Variants in COMMD5 observed in about 807,000 individuals in gnomAD.
COMMD5 encodes the protein COMM domain containing 5.
A neutral mutation model predicts 6.9 loss-of-function variants in COMMD5; 10 were observed. The ratio of observed to expected loss-of-function variants is 1.44; its 90% CI spans 0.89 to 2.45. The LOEUF is 2.45. Ranked by LOEUF, COMMD5 falls within the 30% of genes most tolerant of loss-of-function variation. The probability of loss-of-function intolerance (pLI) is 0.00; values close to 1 mark genes in which losing one functional copy is unlikely to be tolerated. For missense variants in COMMD5, 234 were observed against 287.8 expected (o/e 0.81, Z 1.35); for synonymous variants, 127 against 125.3 (o/e 1.01, Z -0.09).
chr8:144,851,673 G>A lies in COMMD5; in HGVS notation c.-57-278C>T, dbSNP rs1830753616. On this transcript the variant is annotated intron_variant, in intron 1 of 1. Coordinates refer to ENST00000305103, the MANE Select transcript of COMMD5 (RefSeq NM_014066.4). The stretch of plus-strand genomic sequence containing the variant: ...GGAGGAGGACCAGGAAACAGCACAA[G>A]TTCTCCAAGTAAATTAATAGATGAA... 2.0e-5 allele frequency among the ~76,000 whole-genome samples: 3 copies of A among 151,906 alleles called. No homozygotes were observed. In the South Asian group the frequency reaches 6.2e-4, roughly 31 times the overall value.
chr8:144,845,900 CT>C, downstream of COMMD5: 1 of 1,419,972 alleles, frequency 7.0e-7, no homozygotes, highest in East Asian at 2.5e-5. Context: ...TGAGAAGGGT[CT>C]TGGCAGGTAA....
chr8:144,841,126 C>A, exon 2 of COMMD5: 1 of 528,122 alleles, frequency 1.9e-6, no homozygotes, highest in Non-Finnish European at 3.3e-6. Context: ...CCAGCCCTGC[C>A]CCAGCAATGA....
At chr8:144,849,820 C>T (rs967156739), downstream of COMMD5, among the ~76,000 whole-genome samples, 1 of 149,390 alleles carries the variant, frequency 6.7e-6, no homozygotes, top group Non-Finnish European at 1.5e-5. Context: ...CAGCCAATCA[C>T]CAGATCACGT....
intron 1 of COMMD5, chr8:144,842,752 G>GGA: frequency 6.2e-7 from 1 of 1,614,206 alleles, no homozygotes; most frequent in Non-Finnish European, 8.5e-7. Context: ...GGTTCACACT[G>GGA]GAGAGAGGCC....
At chr8:144,842,268 G>C in intron 1 of COMMD5, 9 of 1,614,078 alleles carry the variant, frequency 5.6e-6, no homozygotes, top group Middle Eastern at 1.6e-4. Flanking sequence ...ATACTGGGGA[G>C]AAAGCTCAAA....
intron 1 of COMMD5, chr8:144,843,084 G>A: frequency 6.2e-7 from 1 of 1,613,468 alleles, no homozygotes; most frequent in African/African-American, 1.3e-5. Context: ...ACACCGGGGA[G>A]AAGCCTTATA....
intron 1 of COMMD5, among the ~76,000 whole-genome samples, chr8:144,844,109 G>A (rs117149707): frequency 2.6e-5 from 4 of 152,212 alleles, no homozygotes; most frequent in African/African-American, 9.6e-5. Context: ...TGTCCCAGGG[G>A]CTTGCTGTGT....
intron 1 of COMMD5, among the ~76,000 whole-genome samples, chr8:144,844,619 A>G (rs565911398): frequency 2.6e-4 from 39 of 150,634 alleles, no homozygotes; most frequent in African/African-American, 6.4e-4. Context: ...CTAGGCAGGA[A>G]AATGGTGTGA....
downstream of COMMD5, among the ~76,000 whole-genome samples, chr8:144,848,680 C>CT (rs1323168384): frequency 6.6e-6 from 1 of 152,176 alleles, no homozygotes; most frequent in East Asian, 1.9e-4. Flanking sequence ...GAAGTGGCCT[C>CT]TAAGTCTGCT....
downstream of COMMD5, chr8:144,845,862 G>C (rs2130757049): frequency 1.0e-6 from 1 of 982,976 alleles, no homozygotes; most frequent in Admixed American, 2.4e-5. Context: ...TATGTGTGCA[G>C]TGTCCCTGCC....
chr8:144,849,443 G>A (rs1226088618), downstream of COMMD5, among the ~76,000 whole-genome samples: 5 of 152,136 alleles, frequency 3.3e-5, no homozygotes, highest in African/African-American at 9.7e-5. Flanking sequence ...ATGGAGGGAT[G>A]AGGAAGAAAT....
chr8:144,853,299 C>G (rs1480219202), upstream of COMMD5: 1 of 152,230 alleles, frequency 6.6e-6, no homozygotes. Context: ...CCCGCGTCTC[C>G]CTCCCCGCCC....
chr8:144,838,059 C>T, downstream of COMMD5: 2 of 702,830 alleles, frequency 2.8e-6, no homozygotes, highest in Non-Finnish European at 5.2e-6. Flanking sequence ...GGGCCGTGCC[C>T]CCCTGTGAAG....
At chr8:144,842,014 G>A in intron 1 of COMMD5, 1 of 1,614,238 alleles carries the variant, frequency 6.2e-7, no homozygotes, top group South Asian at 1.1e-5. Context: ...CCACACTGGG[G>A]AGAAGCCCTA....
intron 1 of COMMD5, chr8:144,843,298 T>C (rs1254273462): frequency 5.0e-6 from 6 of 1,211,144 alleles, no homozygotes; most frequent in Non-Finnish European, 5.6e-6. Context: ...CTCAAGAATA[T>C]CCAACTTCAG....
chr8:144,849,734 T>C (rs1402449649), downstream of COMMD5, among the ~76,000 whole-genome samples: 3 of 151,954 alleles, frequency 2.0e-5, no homozygotes, highest in South Asian at 4.2e-4. Context: ...CCGGGAGAGG[T>C]CCCTGCCACC....
At chr8:144,838,035 G>C (rs575720764), downstream of COMMD5, 44 of 697,680 alleles carry the variant, frequency 6.3e-5, 1 homozygote, top group East Asian at 1.1e-3. Context: ...CTGAAACCGG[G>C]GGGTCAGCAA....
intron 1 of COMMD5, chr8:144,842,715 G>C: frequency 1.2e-6 from 2 of 1,614,140 alleles, no homozygotes; most frequent in Non-Finnish European, 1.7e-6. Flanking sequence ...CCTTCAGTAT[G>C]AGCACACAGC....
chr8:144,840,665 T>TC (rs1829771228), downstream of COMMD5, among the ~76,000 whole-genome samples: 1 of 152,140 alleles, frequency 6.6e-6, no homozygotes, highest in African/African-American at 2.4e-5. Flanking sequence ...CTGGAAGGCC[T>TC]CCTGGGGGCC....
Sources: allele counts gnomAD v4.1 joint callset (sites outside exome capture counted in the v4.1 genomes callset), GRCh38; gene constraint gnomAD v4.1.1; transcripts MANE v1.5; gene names NCBI Gene and HGNC (gene_info 2026-07-23, HGNC 2026-07-21).